The following SIPA1L1 variants were observed in gnomAD, a reference collection of about 807,000 sequenced individuals.
SIPA1L1 encodes the protein signal-induced proliferation-associated 1-like protein 1.
A neutral mutation model predicts 162.7 loss-of-function variants in SIPA1L1; 26 were observed. That is an observed-to-expected ratio of 0.16 (90% confidence interval 0.12 to 0.22). The LOEUF (loss-of-function observed/expected upper bound fraction) is 0.22. Among genes scored for constraint, SIPA1L1 ranks in the 10% least tolerant of loss-of-function variants. The probability of loss-of-function intolerance (pLI) is 1.00; values close to 1 mark genes in which losing one functional copy is unlikely to be tolerated. For missense variants in SIPA1L1, 1,874 were observed against 2,241.0 expected (o/e 0.84, Z 3.31); for synonymous variants, 829 against 837.4 (o/e 0.99, Z 0.17).
intron 2 of SIPA1L1, among the ~76,000 whole-genome samples, chr14:71,347,202 C>T (rs749559982): frequency 7.2e-5 from 11 of 151,846 alleles, no homozygotes; most frequent in African/African-American, 1.5e-4. Flanking sequence ...CTCAAGTGAT[C>T]CACCTGCCTC....
At chr14:71,346,727 C>G (rs2036204541) in intron 2 of SIPA1L1, among the ~76,000 whole-genome samples, 1 of 152,090 alleles carries the variant, frequency 6.6e-6, no homozygotes, top group African/African-American at 2.4e-5. Context: ...TACAGTTAGC[C>G]CATTTAAAGT....
chr14:71,702,630 A>AT, intron 15 of SIPA1L1, 125 bp downstream of exon 15: 1 of 834,224 alleles, frequency 1.2e-6, no homozygotes, highest in Non-Finnish European at 1.8e-6. Context: ...ATTAGAATTA[A>AT]GTCTCTGTTA....
chr14:71,501,891 C>G (rs1200494214), intron 2 of SIPA1L1, among the ~76,000 whole-genome samples: 6 of 151,542 alleles, frequency 4.0e-5, no homozygotes, highest in Non-Finnish European at 5.9e-5. Context: ...ATAAATAATA[C>G]AAAAATTAGC....
chr14:71,549,035 C>G (rs1033862130), intron 4 of SIPA1L1, among the ~76,000 whole-genome samples: 1 of 151,926 alleles, frequency 6.6e-6, no homozygotes, highest in African/African-American at 2.4e-5. Flanking sequence ...TCTGCTTTTT[C>G]TCTTTTCCTT....
intron 10 of SIPA1L1, among the ~76,000 whole-genome samples, chr14:71,670,810 A>C (rs995744849): frequency 6.6e-6 from 1 of 152,184 alleles, no homozygotes; most frequent in Non-Finnish European, 1.5e-5. Context: ...ATATTACAGT[A>C]AACCTATTTT....
At chr14:71,516,031 A>C (rs1309223096) in intron 3 of SIPA1L1, among the ~76,000 whole-genome samples, 2 of 152,220 alleles carry the variant, frequency 1.3e-5, no homozygotes, top group African/African-American at 2.4e-5. Flanking sequence ...CAAACTGTTA[A>C]AATGTGTTAA....
chr14:71,341,650 CCT>C (rs924170695), intron 2 of SIPA1L1, among the ~76,000 whole-genome samples: 1 of 151,874 alleles, frequency 6.6e-6, no homozygotes, highest in African/African-American at 2.4e-5. Flanking sequence ...CTCATCCCTC[CCT>C]CTCTCTCTCC....
At chr14:71,733,578 AAT>A in intron 20 of SIPA1L1, 86 bp from the exon 21 acceptor site, 1 of 1,333,364 alleles carries the variant, frequency 7.5e-7, no homozygotes, top group Non-Finnish European at 1.0e-6. Context: ...AATGGCTTAC[AAT>A]CTATTGTGGT....
chr14:71,505,994 G>A (rs957640677), intron 2 of SIPA1L1, among the ~76,000 whole-genome samples: 16 of 136,692 alleles, frequency 1.2e-4, no homozygotes, highest in African/African-American at 1.9e-4. Context: ...CCACGAAAAC[G>A]TAAATTCTGA....
intron 5 of SIPA1L1, among the ~76,000 whole-genome samples, chr14:71,608,251 G>T (rs926743400): frequency 6.6e-6 from 1 of 152,184 alleles, no homozygotes; most frequent in African/African-American, 2.4e-5. Context: ...TTGGGACACT[G>T]CATGGTCCCT....
intron 7 of SIPA1L1, among the ~76,000 whole-genome samples, chr14:71,633,365 G>A (rs546448250): frequency 2.0e-5 from 3 of 152,130 alleles, no homozygotes; most frequent in Non-Finnish European, 4.4e-5. Flanking sequence ...GTAGAGACGG[G>A]GTTTCACCAT....
At chr14:71,383,563 C>T (rs1595138077) in intron 2 of SIPA1L1, among the ~76,000 whole-genome samples, 1 of 152,070 alleles carries the variant, frequency 6.6e-6, no homozygotes, top group African/African-American at 2.4e-5. Flanking sequence ...AGAAAAGGGG[C>T]TTAATTAGCT....
At chr14:71,332,482 C>G (rs1208870164) in intron 2 of SIPA1L1, among the ~76,000 whole-genome samples, 3 of 152,068 alleles carry the variant, frequency 2.0e-5, no homozygotes, top group South Asian at 2.1e-4. Flanking sequence ...CAGTCAACTG[C>G]ATTTTGGTTT....
intron 19 of SIPA1L1, 30 bp from the exon 20 acceptor site, chr14:71,730,025 A>C: frequency 6.2e-7 from 1 of 1,601,160 alleles, no homozygotes; most frequent in Non-Finnish European, 8.5e-7. Context: ...CAGAAAATTG[A>C]CTTTCTTTTG....
intron 7 of SIPA1L1, among the ~76,000 whole-genome samples, chr14:71,648,254 C>CA (rs2042338092): frequency 6.6e-6 from 1 of 152,166 alleles, no homozygotes; most frequent in African/African-American, 2.4e-5. Flanking sequence ...TGCGCCATTG[C>CA]AATCCCGCCT....
chr14:71,407,404 T>G (rs1211649887), intron 2 of SIPA1L1, among the ~76,000 whole-genome samples: 1 of 152,002 alleles, frequency 6.6e-6, no homozygotes, highest in Non-Finnish European at 1.5e-5. Context: ...CTTTTCTTTC[T>G]TTCTCTTTCC....
At chr14:71,509,543 G>C (rs2050946463) in intron 2 of SIPA1L1, among the ~76,000 whole-genome samples, 1 of 152,160 alleles carries the variant, frequency 6.6e-6, no homozygotes, top group East Asian at 1.9e-4. Flanking sequence ...AGGAGTTCTA[G>C]ACCAGCCTGG....
intron 5 of SIPA1L1, among the ~76,000 whole-genome samples, chr14:71,590,612 A>G (rs1489241448): frequency 6.6e-6 from 1 of 152,184 alleles, no homozygotes; most frequent in Non-Finnish European, 1.5e-5. Flanking sequence ...CTAAACATCC[A>G]TGTCTCATTC....
chr14:71,705,816 C>T (rs1174518894), intron 16 of SIPA1L1, among the ~76,000 whole-genome samples: 1 of 151,988 alleles, frequency 6.6e-6, no homozygotes, highest in East Asian at 1.9e-4. Context: ...CTTTCATAGC[C>T]ATACACATTT....
Sources: gnomAD v4.1 joint callset for allele counts (sites outside exome capture counted in the v4.1 genomes callset) on GRCh38, gnomAD v4.1.1 for gene constraint, MANE v1.5 for transcripts, NCBI Gene and HGNC (gene_info 2026-07-23, HGNC 2026-07-21) for gene names.